SHANK2: variants seen among roughly 807,000 people sequenced by gnomAD.
The protein encoded by SHANK2 is SH3 and multiple ankyrin repeat domains protein 2.
SHANK2 carries 43 observed loss-of-function variants against 133.7 expected under a neutral mutation model. The ratio of observed to expected loss-of-function variants is 0.32; its 90% CI spans 0.25 to 0.41. The LOEUF (loss-of-function observed/expected upper bound fraction) is 0.41, where lower values mean the gene tolerates loss of function less well. Among genes scored for constraint, SHANK2 ranks in the 10% least tolerant of loss-of-function variants. SHANK2 has a pLI of 1.00. For synonymous variants in SHANK2, 1,017 were observed against 952.8 expected (o/e 1.07, Z -1.24); for missense variants, 1,994 against 2,235.8 (o/e 0.89, Z 2.18).
chr11:70,496,285 C>A (rs1204739494), intron 21 of SHANK2, among the ~76,000 whole-genome samples: 2 of 152,208 alleles, frequency 1.3e-5, no homozygotes, highest in Non-Finnish European at 2.9e-5. Context: ...CAACTGGGCC[C>A]TTCCAGAAGC....
intron 8 of SHANK2, 137 bp downstream of exon 8, chr11:71,092,285 C>T: frequency 1.2e-6 from 1 of 809,124 alleles, no homozygotes. Context: ...CACATATTTT[C>T]AGGAACTCTG....
At chr11:70,490,513 A>T in intron 22 of SHANK2, 126 bp from the exon 23 acceptor site, 1 of 801,838 alleles carries the variant, frequency 1.2e-6, no homozygotes. Flanking sequence ...GGAGCCACCT[A>T]AAGTCTCCAG....
At chr11:70,657,591 A>G (rs1485180685) in intron 17 of SHANK2, among the ~76,000 whole-genome samples, 4 of 152,158 alleles carry the variant, frequency 2.6e-5, no homozygotes, top group African/African-American at 4.8e-5. Flanking sequence ...TCATTAGTGT[A>G]TGACTGGTGT....
At chr11:70,886,991 C>T (rs1949756994) in intron 11 of SHANK2, among the ~76,000 whole-genome samples, 2 of 152,168 alleles carry the variant, frequency 1.3e-5, no homozygotes, top group Admixed American at 1.3e-4. Flanking sequence ...GGAAGAACAA[C>T]CCATGTCATT....
At chr11:70,646,828 A>ATTTT (rs67675935) in intron 17 of SHANK2, among the ~76,000 whole-genome samples, 4 of 65,534 alleles carry the variant, frequency 6.1e-5, no homozygotes, top group Admixed American at 4.2e-4. Flanking sequence ...ACTTTTATTT[A>ATTTT]TTTTATTTAT....
chr11:70,557,201 A>G (rs1469522104), intron 17 of SHANK2, among the ~76,000 whole-genome samples: 4 of 151,910 alleles, frequency 2.6e-5, no homozygotes, highest in African/African-American at 9.7e-5. Flanking sequence ...TCTTCACTCA[A>G]TATTTACCAA....
At chr11:71,072,803 G>A (rs910701696) in intron 9 of SHANK2, among the ~76,000 whole-genome samples, 2 of 152,106 alleles carry the variant, frequency 1.3e-5, no homozygotes, top group African/African-American at 2.4e-5. Context: ...GACACCAAAG[G>A]ACAAACACTT....
At chr11:70,796,361 A>G (rs550287939) in intron 14 of SHANK2, among the ~76,000 whole-genome samples, 1 of 152,234 alleles carries the variant, frequency 6.6e-6, no homozygotes, top group Non-Finnish European at 1.5e-5. Flanking sequence ...GCAGCCCTCC[A>G]GGACTGCCCC....
chr11:70,929,158 G>C (rs1407974181), intron 10 of SHANK2, among the ~76,000 whole-genome samples: 1 of 152,248 alleles, frequency 6.6e-6, no homozygotes, highest in Non-Finnish European at 1.5e-5. Flanking sequence ...CCATCTGTTA[G>C]TGGTGTGTGT....
At chr11:70,647,769 C>T (rs1013461665) in intron 17 of SHANK2, among the ~76,000 whole-genome samples, 2 of 152,204 alleles carry the variant, frequency 1.3e-5, no homozygotes, top group African/African-American at 2.4e-5. Context: ...CTTCCCTCTG[C>T]GGTCCTTCTG....
chr11:70,686,896 G>T (rs1338858938), intron 15 of SHANK2, among the ~76,000 whole-genome samples: 1 of 152,190 alleles, frequency 6.6e-6, no homozygotes, highest in East Asian at 1.9e-4. Context: ...CTCCTCATCT[G>T]CTCCCTGGAG....
chr11:70,828,728 G>A (rs1002622745), intron 11 of SHANK2, among the ~76,000 whole-genome samples: 5 of 152,208 alleles, frequency 3.3e-5, no homozygotes, highest in Admixed American at 6.5e-5. Context: ...GGATGCCACC[G>A]TGTCCGTATT....
intron 9 of SHANK2, among the ~76,000 whole-genome samples, chr11:71,061,212 C>T (rs1950982494): frequency 2.6e-5 from 4 of 152,244 alleles, no homozygotes; most frequent in Non-Finnish European, 4.4e-5. Flanking sequence ...TAAAGTTTTA[C>T]TGGGATGCGA....
At chr11:70,660,072 C>T in intron 16 of SHANK2, 120 bp from the exon 17 acceptor site, 1 of 1,277,348 alleles carries the variant, frequency 7.8e-7, no homozygotes, top group Non-Finnish European at 1.1e-6. Context: ...TTGCAGGTGG[C>T]TAGTCCAGGC....
chr11:71,213,826 C>T (rs146855211), intron 2 of SHANK2, among the ~76,000 whole-genome samples: 14 of 152,270 alleles, frequency 9.2e-5, no homozygotes, highest in South Asian at 6.2e-4. Flanking sequence ...TGTCTTAGGA[C>T]GTTTTGACAT....
intron 2 of SHANK2, among the ~76,000 whole-genome samples, chr11:71,201,684 GC>G (rs1175351149): frequency 6.6e-6 from 1 of 152,212 alleles, no homozygotes; most frequent in African/African-American, 2.4e-5. Context: ...CAGGTTCACG[GC>G]CACAGAGTGG....
At position 71,073,151 on chromosome 11, in the gene SHANK2, T is replaced by TC. The variant is rs1213638265; in HGVS notation, c.1029+2007_1029+2008insG. On this transcript the variant is annotated intron_variant, in intron 9 of 25. Transcript: ENST00000601538. ...TGTTTTTTTTCTTTTTCTTTTCTTT[T>TC]TTTTCTTTTTTTTCTTTTTTTTTTT... 2.4e-3 allele frequency among the ~76,000 whole-genome samples: 78 copies of TC among 33,052 alleles called. 3 individuals are homozygous for TC. Among genetic ancestry groups the TC allele is most frequent in the African/African-American group, 3.6e-3 (72 of 19,960 alleles). 21.7% of individuals were successfully genotyped at this position (33,052 alleles called of 152,430 possible).
intron 17 of SHANK2, among the ~76,000 whole-genome samples, chr11:70,637,521 G>C (rs1028032160): frequency 6.6e-6 from 1 of 152,108 alleles, no homozygotes; most frequent in Non-Finnish European, 1.5e-5. Flanking sequence ...CGGCCGGAGA[G>C]CCAGCCCATG....
chr11:71,206,779 A>G (rs1362830719), intron 2 of SHANK2, among the ~76,000 whole-genome samples: 1 of 152,156 alleles, frequency 6.6e-6, no homozygotes, highest in African/African-American at 2.4e-5. Context: ...TACAAAAAAT[A>G]AAAGTAAAAA....
Sources: gnomAD v4.1 joint callset for allele counts (sites outside exome capture counted in the v4.1 genomes callset) on GRCh38, gnomAD v4.1.1 for gene constraint, MANE v1.5 for transcripts, NCBI Gene and HGNC (gene_info 2026-07-23, HGNC 2026-07-21) for gene names.